The following TBC1D28 variants were observed in gnomAD, a reference collection of about 807,000 sequenced individuals.
TBC1D28 encodes TBC1 domain family member 28.
Under a neutral mutation model 29.2 loss-of-function variants are expected in TBC1D28, and 20 were observed. That is an observed-to-expected ratio of 0.68 (90% CI 0.48 to 0.99). The LOEUF is 0.99. Among genes scored for constraint, TBC1D28 ranks in the 50% least tolerant of loss-of-function variants. TBC1D28 has a pLI of 0.00. For missense variants in TBC1D28, 205 were observed against 243.7 expected (o/e 0.84, Z 1.06); for synonymous variants, 65 against 90.9 (o/e 0.71, Z 1.62).
chr17:18,641,629 C>T lies in TBC1D28; in HGVS notation c.-2+3G>A. 2.0e-6 allele frequency: 1 copy of T among 508,466 alleles called. No individual in the cohort carries two copies. The highest frequency in any genetic ancestry group is 3.2e-5 in the East Asian group (1 of 31,390). The allele number at this position is 508,466 out of a possible 1,614,324, so 31.5% of individuals were successfully genotyped here. ...CCCCGAACACCCCAAGGCAGACACA[C>T]ACCTGCCCTGGCAGGACAAACGGCG... On this transcript the variant is annotated splice_donor_region_variant and intron_variant, in intron 2 of 8. Transcript: ENST00000345096.
rs2031629792 is a variant in TBC1D28 at position 18,638,727 on chromosome 17, A to G, written c.199-26T>C. 5.0e-6 allele frequency: 8 copies of G among 1,614,042 alleles called. No homozygotes were observed. In the East Asian group the frequency reaches 1.8e-4, roughly 36 times the overall value. ...CTGTCAAATGAGCCATGATGGAGTTAGCGGAGCTGTCAGTCGTCTGACAGT... is the reference window on the plus strand; with the variant it reads ...CTGTCAAATGAGCCATGATGGAGTTGGCGGAGCTGTCAGTCGTCTGACAGT... On this transcript the variant is annotated intron_variant, in intron 5 of 8. Transcript: ENST00000345096.
upstream of TBC1D28, among the ~76,000 whole-genome samples, chr17:18,643,983 G>C (rs1319220295): frequency 6.6e-6 from 1 of 152,204 alleles, no homozygotes; most frequent in African/African-American, 2.4e-5. Context: ...GAAAACCCTG[G>C]GCAGATTTGG....
chr17:18,638,161 G>A (rs1227815196), intron 7 of TBC1D28, 152 bp downstream of exon 8: 5 of 1,287,782 alleles, frequency 3.9e-6, no homozygotes, highest in African/African-American at 1.5e-5. Context: ...GCGCACCTGT[G>A]GTGCCTGAGT....
chr17:18,635,414 G>C, exon 9 of TBC1D28: 1 of 591,678 alleles, frequency 1.7e-6, no homozygotes, highest in Non-Finnish European at 2.1e-6. Flanking sequence ...CCCTGCACCT[G>C]AGCCCGAAAT....
intron 4 of TBC1D28, among the ~76,000 whole-genome samples, chr17:18,640,004 C>G (rs1434479195): frequency 8.5e-6 from 1 of 117,850 alleles, no homozygotes; most frequent in Non-Finnish European, 1.7e-5. Context: ...CACTCCTGCT[C>G]CAGCCTCAGC....
At chr17:18,639,431 G>C (rs536587317) in intron 4 of TBC1D28, among the ~76,000 whole-genome samples, 12 of 129,194 alleles carry the variant, frequency 9.3e-5, no homozygotes, top group East Asian at 2.9e-4. Flanking sequence ...GGCCCTGGGT[G>C]GGGGGGACAC....
exon 7 of TBC1D28, chr17:18,638,337 C>T (rs1464914982): frequency 2.5e-6 from 4 of 1,614,108 alleles, no homozygotes; most frequent in South Asian, 1.1e-5. Context: ...GGTTCTGGGA[C>T]TTGATTTTGT....
chr17:18,635,912 G>T, exon 9 of TBC1D28: 1 of 995,740 alleles, frequency 1.0e-6, no homozygotes, highest in Non-Finnish European at 1.2e-6. Flanking sequence ...GAAGTCACCC[G>T]CCAGTCTGAA....
At chr17:18,643,826 C>T (rs749435321), upstream of TBC1D28, among the ~76,000 whole-genome samples, 14 of 152,242 alleles carry the variant, frequency 9.2e-5, no homozygotes, top group Non-Finnish European at 1.5e-4. Flanking sequence ...AGTGACCGCA[C>T]GTGAAGTCTG....
intron 8 of TBC1D28, 31 bp downstream of exon 9, chr17:18,637,833 C>T: frequency 1.2e-6 from 2 of 1,613,586 alleles, no homozygotes; most frequent in East Asian, 4.5e-5. Context: ...CCCATCTTCT[C>T]TGGGACCCCT....
chr17:18,637,803 A>T, intron 8 of TBC1D28, 61 bp downstream of exon 9: 1 of 1,612,060 alleles, frequency 6.2e-7, no homozygotes, highest in Non-Finnish European at 8.5e-7. Flanking sequence ...CCTGGGGACA[A>T]CCTCATTCCT....
chr17:18,636,505 T>G (rs770092316), exon 9 of TBC1D28: 1 of 1,613,890 alleles, frequency 6.2e-7, no homozygotes, highest in South Asian at 1.1e-5. Flanking sequence ...TGCCTGTGAA[T>G]ATGGGCACAG....
upstream of TBC1D28, chr17:18,642,648 AG>A (rs2031823549): frequency 6.6e-6 from 1 of 152,270 alleles, no homozygotes; most frequent in Non-Finnish European, 1.5e-5. Flanking sequence ...AGGACAAAGG[AG>A]AGGATGGTCC....
At chr17:18,641,342 T>C in exon 3 of TBC1D28, 2 of 1,613,896 alleles carry the variant, frequency 1.2e-6, no homozygotes, top group African/African-American at 1.3e-5. Context: ...CGGGTCCTCA[T>C]CCATCTCCAT....
Position 18,638,666 on chromosome 17 carries a change from C to T in TBC1D28, c.234G>A (p.Trp78Ter), listed in dbSNP as rs760966551. The T allele has an allele frequency of 1.2e-6, 2 of 1,614,158 alleles. No individual in the cohort carries two copies. The highest frequency in any genetic ancestry group is 3.3e-5 in the Admixed American group (2 of 60,022). ...TTGTCCAGTCTGCAAGCATCTTTTG[C>T]CACTTGTTGGTACGTTTACTTTCCT... Residue 78 changes from tryptophan (W) to a stop codon, truncating the protein, a stop_gained, in exon 6 of 9, where the codon TGG (tryptophan) becomes TGA (stop). Coordinates refer to ENST00000345096, the Ensembl canonical transcript of TBC1D28. LOFTEE classifies it high-confidence loss of function.
At chr17:18,634,993 T>C (rs1441085017), downstream of TBC1D28, 2 of 152,750 alleles carry the variant, frequency 1.3e-5, no homozygotes, top group Non-Finnish European at 2.9e-5. Flanking sequence ...CGGCCGCGCC[T>C]GCCACTGACT....
At chr17:18,639,527 T>C (rs1353624194) in intron 4 of TBC1D28, among the ~76,000 whole-genome samples, 2 of 136,238 alleles carry the variant, frequency 1.5e-5, no homozygotes, top group Non-Finnish European at 3.1e-5. Context: ...GCTAAGAAAG[T>C]CCAGTTCTGA....
chr17:18,637,739 C>T, intron 8 of TBC1D28, 125 bp downstream of exon 9: 4 of 1,338,638 alleles, frequency 3.0e-6, no homozygotes, highest in Non-Finnish European at 4.2e-6. Context: ...GCTCCCTGGG[C>T]CAGGAGAGCC....
At chr17:18,638,136 G>T in intron 7 of TBC1D28, 163 bp from the exon 9 acceptor site, 2 of 1,352,812 alleles carry the variant, frequency 1.5e-6, no homozygotes, top group South Asian at 1.3e-5. Context: ...CGCCAGGGAG[G>T]GTCAGCAGAG....
Sources: allele counts gnomAD v4.1 joint callset (sites outside exome capture counted in the v4.1 genomes callset), GRCh38; gene constraint gnomAD v4.1.1; transcripts MANE v1.5; gene names NCBI Gene and HGNC (gene_info 2026-07-23, HGNC 2026-07-21).